Variants in CELA1 observed in about 807,000 individuals in gnomAD.
The protein encoded by CELA1 is chymotrypsin-like elastase family member 1.
Under a neutral mutation model 34.8 loss-of-function variants are expected in CELA1, and 28 were observed. That is an observed-to-expected ratio of 0.80 (90% CI 0.60 to 1.10). The LOEUF is 1.10. CELA1 is among the 50% of genes least tolerant of loss of function. CELA1 has a pLI of 0.00. For synonymous variants in CELA1, 140 were observed against 129.8 expected (o/e 1.08, Z -0.53); for missense variants, 288 against 327.5 (o/e 0.88, Z 0.93).
chr12:51,345,137 A>T (rs1011542390), intron 2 of CELA1, among the ~76,000 whole-genome samples: 1 of 151,882 alleles, frequency 6.6e-6, no homozygotes, highest in Non-Finnish European at 1.5e-5. Context: ...AAAAAAAAAA[A>T]ATACCAATAG....
chr12:51,331,848 G>T (rs574907813), intron 6 of CELA1, among the ~76,000 whole-genome samples: 154 of 152,122 alleles, frequency 1.0e-3, no homozygotes, highest in Admixed American at 1.6e-3. Context: ...AAATGAAAAA[G>T]ACAATTTTTA....
At chr12:51,346,469 CAGAG>C (rs1243201623) in intron 1 of CELA1, among the ~76,000 whole-genome samples, 150 bp downstream of exon 1, 1 of 152,064 alleles carries the variant, frequency 6.6e-6, no homozygotes, top group African/African-American at 2.4e-5. Context: ...GCTCTGCAGG[CAGAG>C]CGTCCCACCT....
chr12:51,339,412 C>T (rs369313207), intron 6 of CELA1, among the ~76,000 whole-genome samples: 79 of 152,108 alleles, frequency 5.2e-4, no homozygotes, highest in African/African-American at 1.8e-3. Context: ...ATTAGCCGGG[C>T]GTGGTGGTGC....
chr12:51,344,463 C>T (rs780056273), intron 2 of CELA1, among the ~76,000 whole-genome samples: 4 of 152,192 alleles, frequency 2.6e-5, no homozygotes, highest in African/African-American at 7.2e-5. Context: ...GAGGCCAAGG[C>T]GGGTGGATCA....
At chr12:51,329,304 A>G (rs999916497) in intron 7 of CELA1, among the ~76,000 whole-genome samples, 5 of 152,010 alleles carry the variant, frequency 3.3e-5, no homozygotes, top group African/African-American at 4.8e-5. Context: ...TGTCCTTAGA[A>G]AGACGTTGTG....
intron 3 of CELA1, among the ~76,000 whole-genome samples, chr12:51,343,037 T>C (rs1345373317): frequency 6.6e-6 from 1 of 152,136 alleles, no homozygotes; most frequent in Non-Finnish European, 1.5e-5. Context: ...AACAAGCTCT[T>C]TCATTCCCTA....
rs1488152403 is a variant in CELA1, at chr12:51,342,674, C to T, written c.227G>A (p.Gly76Glu). ...DYQKTFRVVA[G>E]DHNLSQNDGT... is the part of the protein sequence containing the mutation. ...ATCATTCTGGCTCAGGTTATGGTCT[C>T]CAGCCACCACGCGGAAAGTCTTCTG... Residue 76 changes from glycine to glutamate, a missense_variant, in exon 4 of 8, where the codon GGA becomes GAA. Transcript: ENST00000293636. The T allele has an allele frequency of 6.2e-7, 1 of 1,614,178 alleles. No homozygotes were observed. The highest frequency in any genetic ancestry group is 8.5e-7 in the Non-Finnish European group (1 of 1,180,014).
At chr12:51,328,983 G>A (rs1231756708) in intron 7 of CELA1, among the ~76,000 whole-genome samples, 1 of 152,116 alleles carries the variant, frequency 6.6e-6, no homozygotes, top group Admixed American at 6.5e-5. Flanking sequence ...CAGGCCGGGC[G>A]CTGTGGCTCA....
chr12:51,328,562 G>A lies in CELA1; in HGVS notation c.*15C>T. 6.2e-7 allele frequency: 1 copy of A among 1,614,124 alleles called. No individual in the cohort carries two copies. The highest frequency in any genetic ancestry group is 8.5e-7 in the Non-Finnish European group (1 of 1,179,962). On this transcript the variant is annotated 3_prime_UTR_variant, in exon 8 of 8. Transcript: ENST00000293636. ...AAGAACCATTTTGGGAAGGTCGTTGGACTCAGGAAAATGTTCAGTTGGAGG... is the reference window on the plus strand; with the variant it reads ...AAGAACCATTTTGGGAAGGTCGTTGAACTCAGGAAAATGTTCAGTTGGAGG...
intron 6 of CELA1, among the ~76,000 whole-genome samples, chr12:51,336,690 C>G (rs1192895411): frequency 6.6e-6 from 1 of 152,184 alleles, no homozygotes; most frequent in Non-Finnish European, 1.5e-5. Context: ...CCACTGGGAT[C>G]TCAGACAAAG....
At position 51,339,928 on chromosome 12, in the gene CELA1, A is replaced by T; in HGVS notation, c.541T>A (p.Tyr181Asn). Reference protein sequence around the residue: ...VDYAICSSSSYWGSTVKNTMV... With the variant: ...VDYAICSSSSNWGSTVKNTMV... ...GTGTTCTTCACAGTGGAGCCCCAGT[A>T]GGAGGAGCTGGAGCAGATGGCGTAG... The change falls in exon 6 of 8, where the codon TAC (tyrosine) becomes AAC (asparagine). Residue 181 changes from tyrosine to asparagine, a missense_variant. Transcript: ENST00000293636. 6.2e-7 allele frequency: 1 copy of T among 1,614,156 alleles called. No homozygotes were observed. The highest frequency in any genetic ancestry group is 8.5e-7 in the Non-Finnish European group (1 of 1,179,986).
At chr12:51,336,635 CAAAA>C (rs1328770931) in intron 6 of CELA1, among the ~76,000 whole-genome samples, 2 of 151,652 alleles carry the variant, frequency 1.3e-5, no homozygotes, top group Non-Finnish European at 2.9e-5. Context: ...TCAAACAAAA[CAAAA>C]AAAACACCAA....
chr12:51,336,527 T>C (rs1234606339), intron 6 of CELA1, among the ~76,000 whole-genome samples: 3 of 152,234 alleles, frequency 2.0e-5, no homozygotes, highest in African/African-American at 7.2e-5. Context: ...CTTAGGAACC[T>C]GAGGTAGTAG....
rs1946545902 is a variant in CELA1 at position 51,342,827 on chromosome 12, T to C, written c.201-127A>G. On this transcript the variant is annotated intron_variant, in intron 3 of 7. Coordinates refer to ENST00000293636, the MANE Select transcript of CELA1 (RefSeq NM_001971.6). ...TATTTAGGAAATTTTTTTTTTTTTT[T>C]AGAGATGGGGTTTTGCTGTGTTGCC... is the stretch of plus-strand genomic sequence containing the variant. 3 of 890,522 alleles carry C rather than the reference T, an allele frequency of 3.4e-6. No individual in the cohort carries two copies. The South Asian group carries it at 5.8e-5, about 17-fold the overall frequency. 55.2% of individuals were successfully genotyped at this position (890,522 alleles called of 1,614,324 possible). A position where few individuals can be genotyped will look rare whatever the true frequency, so the allele number is the denominator to read the frequency against.
intron 5 of CELA1, 66 bp downstream of exon 5, chr12:51,341,176 GGT>G (rs1946532033): frequency 1.3e-6 from 2 of 1,565,876 alleles, no homozygotes; most frequent in Non-Finnish European, 1.8e-6. Context: ...CACAGAAAAA[GGT>G]GTCTTAGAAG....
chr12:51,332,103 T>C (rs1407206858), intron 6 of CELA1, among the ~76,000 whole-genome samples: 1 of 151,832 alleles, frequency 6.6e-6, no homozygotes, highest in Non-Finnish European at 1.5e-5. Flanking sequence ...GAGGATTTCT[T>C]GAGCCCAGAA....
chr12:51,337,974 C>T (rs1157165227), intron 6 of CELA1, among the ~76,000 whole-genome samples: 1 of 151,062 alleles, frequency 6.6e-6, no homozygotes, highest in Admixed American at 6.6e-5. Flanking sequence ...GCCTGTAATC[C>T]CAGCACTTTG....
At position 51,328,626 on chromosome 12, in the gene CELA1, T is replaced by C. The variant is rs774696697; in HGVS notation, c.760-32A>G. ...GAAAGACAGTTATGTCCACAGTCAG[T>C]AACTCCTGCCTACCTCCTTTCTTGT... On this transcript the variant is annotated intron_variant, in intron 7 of 7. Coordinates refer to ENST00000293636, the MANE Select transcript of CELA1 (RefSeq NM_001971.6). 5.7e-6 allele frequency: 9 copies of C among 1,583,570 alleles called. No homozygotes were observed. The East Asian group carries it at 1.1e-4, about 20-fold the overall frequency.
intron 2 of CELA1, 45 bp from the exon 3 acceptor site, chr12:51,343,898 A>G: frequency 8.8e-7 from 1 of 1,140,178 alleles, no homozygotes; most frequent in Non-Finnish European, 1.3e-6. Context: ...GTGTTTCTCA[A>G]ATGGTTTTGC....
Sources: gnomAD v4.1 joint callset for allele counts (sites outside exome capture counted in the v4.1 genomes callset) on GRCh38, gnomAD v4.1.1 for gene constraint, MANE v1.5 for transcripts, NCBI Gene and HGNC (gene_info 2026-07-23, HGNC 2026-07-21) for gene names.